PAPSS1: variants seen among roughly 807,000 people sequenced by gnomAD.
PAPSS1 encodes 3'-phosphoadenosine 5'-phosphosulfate synthase 1, also known as bifunctional 3'-phosphoadenosine 5'-phosphosulfate synthase 1.
PAPSS1 carries 50 observed loss-of-function variants against 72.0 expected under a neutral mutation model. The ratio of observed to expected loss-of-function variants is 0.69; its 90% CI spans 0.55 to 0.88. The LOEUF (loss-of-function observed/expected upper bound fraction) is 0.88. PAPSS1 is among the 40% of genes least tolerant of loss of function. PAPSS1 has a pLI of 0.00. For missense variants in PAPSS1, 657 were observed against 782.2 expected (o/e 0.84, Z 1.91); for synonymous variants, 261 against 263.6 (o/e 0.99, Z 0.09).
At chr4:107,677,499 C>G (rs1384150353) in intron 5 of PAPSS1, among the ~76,000 whole-genome samples, 2 of 152,142 alleles carry the variant, frequency 1.3e-5, no homozygotes, top group Non-Finnish European at 2.9e-5. Flanking sequence ...CCATCTCACA[C>G]CAGTTAGAAT....
At chr4:107,645,457 C>A (rs1677604598) in intron 9 of PAPSS1, among the ~76,000 whole-genome samples, 1 of 152,130 alleles carries the variant, frequency 6.6e-6, no homozygotes, top group Admixed American at 6.5e-5. Flanking sequence ...CCAGATCAAT[C>A]CCTCCAAACG....
At chr4:107,652,286 T>C (rs1368878255) in intron 9 of PAPSS1, among the ~76,000 whole-genome samples, 1 of 152,136 alleles carries the variant, frequency 6.6e-6, no homozygotes, top group Non-Finnish European at 1.5e-5. Context: ...ATGCTTCCAA[T>C]TTTAAGGCTT....
chr4:107,648,010 T>C (rs1726738376), intron 9 of PAPSS1, among the ~76,000 whole-genome samples: 1 of 152,180 alleles, frequency 6.6e-6, no homozygotes, highest in Non-Finnish European at 1.5e-5. Flanking sequence ...CCTATTACTG[T>C]CACATCTCAA....
rs138605256 is a variant in PAPSS1 at position 107,719,493 on chromosome 4, G to A, written c.60+627C>T. ...ATACCTGACTGTCACCAGGAATGGAGTCTTCCAAACTCCTACTTGTTAAAC... is the reference window on the plus strand; with the variant it reads ...ATACCTGACTGTCACCAGGAATGGAATCTTCCAAACTCCTACTTGTTAAAC... On this transcript the variant is annotated intron_variant, in intron 1 of 11. Transcript: ENST00000265174. Among the ~76,000 whole-genome samples the A allele has an allele frequency of 1.9e-3, 283 of 152,330 alleles. 1 individual carries two copies. Among genetic ancestry groups the A allele is most frequent in the African/African-American group, 6.6e-3 (274 of 41,566 alleles).
Position 107,675,294 on chromosome 4 carries a change from T to C in PAPSS1, c.669+6721A>G, listed in dbSNP as rs187143458. Among the ~76,000 whole-genome samples the C allele has an allele frequency of 6.7e-3, 1,017 of 152,088 alleles. 10 individuals are homozygous for C. The highest frequency in any genetic ancestry group is 0.024 in the South Asian group (115 of 4,812). On this transcript the variant is annotated intron_variant, in intron 5 of 11. Coordinates refer to ENST00000265174, the MANE Select transcript of PAPSS1 (RefSeq NM_005443.5). ...AAAATTGATAGACCACTAACAAGACTAATAAAGAAGAAAGGAGAGAAGAAT... is the reference window on the plus strand; with the variant it reads ...AAAATTGATAGACCACTAACAAGACCAATAAAGAAGAAAGGAGAGAAGAAT...
intron 10 of PAPSS1, among the ~76,000 whole-genome samples, chr4:107,633,589 G>T (rs568838892): frequency 1.3e-5 from 2 of 152,042 alleles, no homozygotes; most frequent in African/African-American, 2.4e-5. Context: ...TATCTGGGGT[G>T]GGGGGTGGTG....
In PAPSS1 at chr4:107,654,860, C is replaced by A; in HGVS notation, c.936G>T (p.Ala312=). The change falls in exon 8 of 12, where the codon GCG becomes GCT. Residue 312 remains alanine, a synonymous_variant. Coordinates refer to ENST00000265174, the MANE Select transcript of PAPSS1 (RefSeq NM_005443.5). ...INLSVPIVLT[A]THEDKERLDG... ...CCAGCCTCTCTTTATCTTCATGAGT[C>A]GCAGTCAGAACTATAGGTACTGACA... 1 of 1,613,940 alleles carries A rather than the reference C, an allele frequency of 6.2e-7. No homozygotes were observed. Among genetic ancestry groups the A allele is most frequent in the Non-Finnish European group, 8.5e-7 (1 of 1,179,944 alleles).
In PAPSS1 at chr4:107,702,549, C is replaced by G. The variant is rs139163723; in HGVS notation, c.61-1264G>C. ...CTCGCAGTCCCTGATAAACACCATT[C>G]ACTCTCTACTTCTACAGGTGCAACT... On this transcript the variant is annotated intron_variant, in intron 1 of 11. Coordinates refer to ENST00000265174, the MANE Select transcript of PAPSS1 (RefSeq NM_005443.5). Among the ~76,000 whole-genome samples, 664 of 152,296 alleles carry G rather than the reference C, an allele frequency of 4.4e-3. 4 individuals carry two copies. Among genetic ancestry groups the G allele is most frequent in the African/African-American group, 0.015 (631 of 41,578 alleles).
chr4:107,677,939 A>G (rs1377729289), intron 5 of PAPSS1, among the ~76,000 whole-genome samples: 4 of 152,164 alleles, frequency 2.6e-5, no homozygotes, highest in Non-Finnish European at 5.9e-5. Flanking sequence ...CGCAACGACA[A>G]AAAACCAAAC....
chr4:107,636,465 C>T (rs1391620390), intron 10 of PAPSS1, among the ~76,000 whole-genome samples: 1 of 152,138 alleles, frequency 6.6e-6, no homozygotes, highest in Admixed American at 6.6e-5. Flanking sequence ...TGGAAAATCA[C>T]TCGTTGAATT....
At chr4:107,713,385 T>G (rs751770222) in intron 1 of PAPSS1, among the ~76,000 whole-genome samples, 3 of 152,044 alleles carry the variant, frequency 2.0e-5, no homozygotes, top group Non-Finnish European at 4.4e-5. Context: ...TTTGGGGACA[T>G]GTAAATGTTC....
At chr4:107,657,896 G>A (rs1727063477) in intron 6 of PAPSS1, among the ~76,000 whole-genome samples, 1 of 152,252 alleles carries the variant, frequency 6.6e-6, no homozygotes, top group East Asian at 1.9e-4. Flanking sequence ...CTGTAAAGCT[G>A]CATTTTATCT....
chr4:107,639,188 C>T (rs1309909844), intron 10 of PAPSS1, among the ~76,000 whole-genome samples: 1 of 143,442 alleles, frequency 7.0e-6, no homozygotes, highest in African/African-American at 3.0e-5. Context: ...CATTTTTTCC[C>T]TATGAAAAGC....
chr4:107,644,954 G>A lies in PAPSS1; in HGVS notation c.1354C>T (p.His452Tyr). ...RGYRRPVLLL[H>Y]PLGGWTKDDD... ...TCCTTTGTCCAGCCACCCAGAGGGT[G>A]GAGGAGGAGGACAGGGCGCCGGTAG... Residue 452 changes from histidine (H) to tyrosine (Y), a missense_variant, in exon 10 of 12, where the codon CAC becomes TAC. His to Tyr is a moderately conservative substitution (Grantham distance 83, BLOSUM62 2). Transcript: ENST00000265174. 1 of 1,613,888 alleles carries A rather than the reference G, an allele frequency of 6.2e-7. No homozygotes were observed. The highest frequency in any genetic ancestry group is 2.2e-5 in the East Asian group (1 of 44,862).
intron 6 of PAPSS1, among the ~76,000 whole-genome samples, chr4:107,658,514 T>C (rs958000572): frequency 1.3e-5 from 2 of 152,162 alleles, no homozygotes; most frequent in African/African-American, 2.4e-5. Flanking sequence ...CGATGAACAA[T>C]GTACTTATCG....
intron 9 of PAPSS1, among the ~76,000 whole-genome samples, chr4:107,650,847 G>T (rs1726820050): frequency 6.6e-6 from 1 of 151,508 alleles, no homozygotes; most frequent in South Asian, 2.1e-4. Flanking sequence ...GAAGAGAAGG[G>T]TGAAAAAAAA....
intron 10 of PAPSS1, among the ~76,000 whole-genome samples, chr4:107,638,827 T>C (rs536231826): frequency 6.6e-6 from 1 of 151,602 alleles, no homozygotes; most frequent in South Asian, 2.1e-4. Flanking sequence ...TAAATATTAT[T>C]TAATGTTTAC....
chr4:107,659,996 G>C lies in PAPSS1; in HGVS notation c.746C>G (p.Thr249Arg). Residue 249 changes from threonine to arginine, a missense_variant, in exon 6 of 12, where the codon ACA becomes AGA. Transcript: ENST00000265174. The stretch of plus-strand genomic sequence containing the variant: ...CAGTGCTGGTAATGTTTCCGCATCT[G>C]TTTTTGCCAAATGAAGTTTATTTTC... ...VPENKLHLAK[T>R]DAETLPALKI... is the part of the protein sequence containing the mutation. 1 of 1,606,674 alleles carries C rather than the reference G, an allele frequency of 6.2e-7. No homozygotes were observed. Among genetic ancestry groups the C allele is most frequent in the Non-Finnish European group, 8.5e-7 (1 of 1,175,832 alleles).
rs1232647343 is a variant in PAPSS1 at position 107,658,291 on chromosome 4, G to GA, written c.784-1285dup. ...ACCTTCTGTTCTGTGGTCTTGTTAG[G>GA]AAAAAAAAAAAAAAAGGGAAGCCAC... On this transcript the variant is annotated intron_variant, in intron 6 of 11. Coordinates refer to ENST00000265174, the MANE Select transcript of PAPSS1 (RefSeq NM_005443.5). Among the ~76,000 whole-genome samples, 794 of 98,442 alleles carry GA rather than the reference G, an allele frequency of 8.1e-3. 12 individuals are homozygous for GA. The highest frequency in any genetic ancestry group is 0.024 in the African/African-American group (622 of 26,234). The allele number at this position is 98,442 out of a possible 152,430, so 64.6% of individuals were successfully genotyped here. A position where few individuals can be genotyped will look rare whatever the true frequency, so the allele number is the denominator to read the frequency against.
Sources: gnomAD v4.1 joint callset for allele counts (sites outside exome capture counted in the v4.1 genomes callset) on GRCh38, gnomAD v4.1.1 for gene constraint, MANE v1.5 for transcripts, NCBI Gene and HGNC (gene_info 2026-07-23, HGNC 2026-07-21) for gene names.